NSUN7: variants seen among roughly 807,000 people sequenced by gnomAD.
NSUN7 encodes NOP2/Sun RNA methyltransferase family member 7, also known as protein NSUN7.
Under a neutral mutation model 58.5 loss-of-function variants are expected in NSUN7, and 39 were observed. The observed-to-expected ratio is 0.67, with a 90% confidence interval of 0.52 to 0.87. The LOEUF is 0.87. NSUN7 is among the 40% of genes least tolerant of loss of function. The pLI is 0.00. For missense variants in NSUN7, 765 were observed against 844.1 expected, an observed-to-expected ratio of 0.91 and a Z score of 1.16; for synonymous variants, 278 against 303.7, an observed-to-expected ratio of 0.92 and a Z score of 0.88.
At position 40,808,867 on chromosome 4, in the gene NSUN7, A is replaced by C. The variant is rs1201357941; in HGVS notation, c.2085A>C (p.Leu695=). 1 of 1,547,892 alleles carries C rather than the reference A, an allele frequency of 6.5e-7. No homozygotes were observed. The highest frequency in any genetic ancestry group is 1.2e-5 in the South Asian group (1 of 83,940). The change falls in exon 12 of 12, where the codon CTA becomes CTC. Residue 695 remains leucine, a synonymous_variant. Transcript: ENST00000381782. ...LVPTCLPTHS[L]SRKEEKPKDD... is the part of the protein sequence containing the mutation. ...CCACCTGCCTTCCCACACACTCACT[A>C]TCCAGAAAAGAGGAAAAGCCTAAAG...
chr4:40,797,124 G>A (rs1209429889), intron 9 of NSUN7, among the ~76,000 whole-genome samples: 1 of 152,036 alleles, frequency 6.6e-6, no homozygotes, highest in Non-Finnish European at 1.5e-5. Context: ...TGTCTTCTAG[G>A]GCACCACCTT....
Position 40,774,780 on chromosome 4 carries a change from T to G in NSUN7, c.655T>G (p.Tyr219Asp). The change falls in exon 6 of 12, where the codon TAT becomes GAT. Residue 219 changes from tyrosine to aspartate, a missense_variant. Tyr to Asp is a radical substitution (Grantham distance 160, BLOSUM62 -3). Coordinates refer to ENST00000381782, the MANE Select transcript of NSUN7 (RefSeq NM_024677.6). ...NTCKISPEEVYNNLKRRGYNK... is the reference protein window; with the variant it reads ...NTCKISPEEVDNNLKRRGYNK... The stretch of plus-strand genomic sequence containing the variant: ...GTATATTTACAGCCCTGAAGAAGTT[T>G]ATAATAATTTGAAGAGAAGAGGCTA... 2 of 1,526,662 alleles carry G rather than the reference T, an allele frequency of 1.3e-6. No individual in the cohort carries two copies. The highest frequency in any genetic ancestry group is 1.8e-6 in the Non-Finnish European group (2 of 1,119,592). 94.6% of individuals were successfully genotyped at this position (1,526,662 alleles called of 1,614,324 possible).
intron 7 of NSUN7, among the ~76,000 whole-genome samples, chr4:40,777,349 TG>T (rs1742319449): frequency 6.6e-6 from 1 of 152,184 alleles, no homozygotes; most frequent in African/African-American, 2.4e-5. Context: ...TTTATTTTTC[TG>T]AGATGGAGTC....
At chr4:40,798,061 CT>C (rs1285832695) in intron 9 of NSUN7, among the ~76,000 whole-genome samples, 1 of 152,234 alleles carries the variant, frequency 6.6e-6, no homozygotes, top group Non-Finnish European at 1.5e-5. Context: ...AATGCTTTCT[CT>C]CACTGCTCTA....
At chr4:40,805,440 A>G (rs987044708) in intron 10 of NSUN7, among the ~76,000 whole-genome samples, 5 of 152,142 alleles carry the variant, frequency 3.3e-5, no homozygotes, top group Admixed American at 2.0e-4. Flanking sequence ...CTGTCATAGC[A>G]TCTTGTGTTT....
chr4:40,802,298 AACCACTGTAG>A (rs1297476381), intron 10 of NSUN7, among the ~76,000 whole-genome samples: 1 of 152,114 alleles, frequency 6.6e-6, no homozygotes, highest in African/African-American at 2.4e-5. Context: ...ACAATGCTAT[AACCACTGTAG>A]TTTTGAGTGG....
intron 2 of NSUN7, among the ~76,000 whole-genome samples, chr4:40,755,084 G>A (rs910233848): frequency 1.3e-5 from 2 of 152,126 alleles, no homozygotes; most frequent in African/African-American, 4.8e-5. Context: ...TAGAGTACCA[G>A]TAGCCAATTA....
At chr4:40,782,664 G>A (rs1262933380) in intron 7 of NSUN7, among the ~76,000 whole-genome samples, 1 of 151,982 alleles carries the variant, frequency 6.6e-6, no homozygotes, top group East Asian at 1.9e-4. Flanking sequence ...GAGGCCAGGA[G>A]TTCGAGACCA....
chr4:40,754,202 C>T (rs1741005946), intron 2 of NSUN7, among the ~76,000 whole-genome samples: 1 of 148,596 alleles, frequency 6.7e-6, no homozygotes, highest in African/African-American at 2.5e-5. Context: ...GGAGTGCAGT[C>T]AATCGCGCAA....
chr4:40,773,578 G>T (rs1742112883), intron 4 of NSUN7, among the ~76,000 whole-genome samples: 1 of 151,804 alleles, frequency 6.6e-6, no homozygotes, highest in African/African-American at 2.4e-5. Flanking sequence ...AGCAACTCGG[G>T]AGGCTGAGGT....
At chr4:40,752,496 C>G in intron 2 of NSUN7, among the ~76,000 whole-genome samples, 1 of 152,248 alleles carries the variant, frequency 6.6e-6, no homozygotes, top group East Asian at 1.9e-4. Context: ...TCTTGGCTCA[C>G]TGCAAGCTCC....
At chr4:40,783,721 A>G (rs1374398255) in intron 7 of NSUN7, among the ~76,000 whole-genome samples, 1 of 151,994 alleles carries the variant, frequency 6.6e-6, no homozygotes, top group Non-Finnish European at 1.5e-5. Flanking sequence ...GGTGGTGCAC[A>G]CTGGTAATCC....
At chr4:40,776,522 T>C (rs1742278047) in intron 7 of NSUN7, 1 of 257,162 alleles carries the variant, frequency 3.9e-6, no homozygotes, top group African/African-American at 2.2e-5. Flanking sequence ...ACATTTAAAG[T>C]AGAAATGTAT....
At chr4:40,789,408 A>G (rs1479281467) in intron 7 of NSUN7, among the ~76,000 whole-genome samples, 12 of 152,198 alleles carry the variant, frequency 7.9e-5, no homozygotes, top group Admixed American at 7.8e-4. Flanking sequence ...CAAACAAAAA[A>G]CTTTTGACAC....
At chr4:40,755,143 G>A (rs574336670) in intron 2 of NSUN7, among the ~76,000 whole-genome samples, 1 of 152,176 alleles carries the variant, frequency 6.6e-6, no homozygotes, top group South Asian at 2.1e-4. Flanking sequence ...AGACTGGAGT[G>A]CAGTGGCGCG....
Position 40,808,802 on chromosome 4 carries a change from C to CAT in NSUN7, c.2021_2022dup (p.Leu675IlefsTer68). 1 of 1,548,936 alleles carries CAT rather than the reference C, an allele frequency of 6.5e-7. No homozygotes were observed. Among genetic ancestry groups the CAT allele is most frequent in the Non-Finnish European group, 8.7e-7 (1 of 1,146,426 alleles). On this transcript the variant is annotated frameshift_variant, in exon 12 of 12. Coordinates refer to ENST00000381782, the MANE Select transcript of NSUN7 (RefSeq NM_024677.6). LOFTEE classifies it low-confidence loss of function (END_TRUNC). ...GATCAGATCTCGGATGCCAACTCAA[C>CAT]ATTTGTACTGTCGTTGGGTTGCACC... is the stretch of plus-strand genomic sequence containing the variant.
rs1192321562 is a variant in NSUN7 at position 40,775,610 on chromosome 4, A to G, written c.826-439A>G. Among the ~76,000 whole-genome samples the G allele has an allele frequency of 6.6e-6, 1 of 152,140 alleles. No homozygotes were observed. Among genetic ancestry groups the G allele is most frequent in the African/African-American group, 2.4e-5 (1 of 41,440 alleles). On this transcript the variant is annotated intron_variant, in intron 6 of 11. Transcript: ENST00000381782. This position sits in a 1 kb window ranked among gnomAD's most constrained non-coding sequence, Gnocchi z 4.3. ...CACTGAGATCAACTGCAGAAGCCCA[A>G]CCTGTCAAGCCCCCTTTGATGAGCT...
chr4:40,770,654 A>T (rs936522368), intron 4 of NSUN7, among the ~76,000 whole-genome samples: 1 of 152,224 alleles, frequency 6.6e-6, no homozygotes, highest in East Asian at 1.9e-4. Flanking sequence ...TGAGTCAAAA[A>T]CTACATAAAT....
chr4:40,776,280 AT>A (rs1742264631), intron 7 of NSUN7, 21 bp downstream of exon 7: 1 of 1,480,246 alleles, frequency 6.8e-7, no homozygotes, highest in Non-Finnish European at 9.2e-7. Context: ...ATATTTCTTC[AT>A]TTGGTGATTA....
Sources: allele counts gnomAD v4.1 joint callset (sites outside exome capture counted in the v4.1 genomes callset), GRCh38; gene constraint gnomAD v4.1.1; non-coding constraint Gnocchi (gnomAD v3.1); transcripts MANE v1.5; gene names NCBI Gene and HGNC (gene_info 2026-07-23, HGNC 2026-07-21).